Variants in CCM2 observed in about 807,000 individuals in gnomAD.
CCM2 encodes the protein cerebral cavernous malformations 2 protein.
Under a neutral mutation model 44.9 loss-of-function variants are expected in CCM2, and 25 were observed. The ratio of observed to expected loss-of-function variants is 0.56; its 90% confidence interval spans 0.41 to 0.78. CCM2 has a LOEUF of 0.78. Among genes scored for constraint, CCM2 ranks in the 30% least tolerant of loss-of-function variants. CCM2 has a pLI of 0.00. For synonymous variants in CCM2, 219 were observed against 241.1 expected (o/e 0.91, Z 0.85); for missense variants, 481 against 580.6 (o/e 0.83, Z 1.76).
intron 2 of CCM2, among the ~76,000 whole-genome samples, chr7:45,049,640 T>G (rs983982534): frequency 6.6e-6 from 1 of 152,254 alleles, no homozygotes; most frequent in African/African-American, 2.4e-5. Context: ...TCAACTGTTA[T>G]GTATGTTTTA....
At chr7:45,005,069 T>A (rs964178227) in intron 1 of CCM2, among the ~76,000 whole-genome samples, 1 of 152,080 alleles carries the variant, frequency 6.6e-6, no homozygotes, top group Non-Finnish European at 1.5e-5. Flanking sequence ...ATACTTGGGT[T>A]CAGAAGGTGA....
At position 45,076,058 on chromosome 7, in the gene CCM2, T is replaced by C; in HGVS notation, c.*1T>C. On this transcript the variant is annotated 3_prime_UTR_variant, in exon 10 of 10. Transcript: ENST00000258781. Reference sequence around the variant, plus strand: ...CAGCATGGACCAGGACTCAGCATGATGGACAGTGGATGGGGGGGCACCCAC... The same window carrying C: ...CAGCATGGACCAGGACTCAGCATGACGGACAGTGGATGGGGGGGCACCCAC... 6.2e-7 allele frequency: 1 copy of C among 1,612,890 alleles called. No homozygotes were observed. Among genetic ancestry groups the C allele is most frequent in the Non-Finnish European group, 8.5e-7 (1 of 1,180,006 alleles).
chr7:45,040,374 G>C (rs540624281), intron 2 of CCM2, among the ~76,000 whole-genome samples: 8 of 150,596 alleles, frequency 5.3e-5, no homozygotes, highest in African/African-American at 1.7e-4. Flanking sequence ...GCGAGACTCC[G>C]TCTCAAAAAA....
intron 1 of CCM2, chr7:45,027,236 C>A: frequency 3.5e-6 from 1 of 286,964 alleles, no homozygotes; most frequent in Admixed American, 4.8e-5. Context: ...ACTGGAACAG[C>A]CTTGTCGCGT....
At chr7:45,064,773 C>G in intron 4 of CCM2, 127 bp downstream of exon 4, 1 of 961,376 alleles carries the variant, frequency 1.0e-6, no homozygotes, top group Non-Finnish European at 1.6e-6. Context: ...CAATAATTGT[C>G]TTTCCTGTCT....
rs571503202 is a variant in CCM2, at chr7:45,052,914, T to C, written c.205-11004T>C. On this transcript the variant is annotated intron_variant, in intron 2 of 9. Transcript: ENST00000258781. ...GCTTCCAAATGGCCTTTTCTACTTA[T>C]AGCTCTTATTCTTTAGACAAAGGAC... Among the ~76,000 whole-genome samples, 14 of 152,358 alleles carry C rather than the reference T, an allele frequency of 9.2e-5. No individual in the cohort carries two copies. In the East Asian group the frequency reaches 2.5e-3, roughly 27 times the overall value.
chr7:45,045,107 C>CATT (rs1562888476), intron 2 of CCM2, among the ~76,000 whole-genome samples: 1 of 152,162 alleles, frequency 6.6e-6, no homozygotes, highest in African/African-American at 2.4e-5. Context: ...TTCTATCTGA[C>CATT]ATTAACTTAT....
At chr7:45,050,713 A>G (rs1180111942) in intron 2 of CCM2, among the ~76,000 whole-genome samples, 2 of 152,058 alleles carry the variant, frequency 1.3e-5, no homozygotes, top group Non-Finnish European at 2.9e-5. Context: ...TTCTTTTCTT[A>G]TATCTTTGCA....
intron 4 of CCM2, chr7:45,068,236 CT>C (rs1798879142): frequency 1.6e-6 from 1 of 639,334 alleles, no homozygotes; most frequent in South Asian, 1.8e-5. Context: ...CTCTGGTGCC[CT>C]TGGAGCTCAG....
At chr7:45,047,857 C>A (rs188137727) in intron 2 of CCM2, among the ~76,000 whole-genome samples, 3 of 152,242 alleles carry the variant, frequency 2.0e-5, no homozygotes, top group Non-Finnish European at 4.4e-5. Flanking sequence ...AGCGATGGAT[C>A]TCCCTGTATC....
At chr7:45,000,713 A>G (rs1795576460) in intron 1 of CCM2, among the ~76,000 whole-genome samples, 1 of 152,232 alleles carries the variant, frequency 6.6e-6, no homozygotes, top group African/African-American at 2.4e-5. Flanking sequence ...TGTGTGGTTA[A>G]CGTGGAGACG....
At chr7:45,051,810 C>T (rs918446856) in intron 2 of CCM2, among the ~76,000 whole-genome samples, 1 of 152,024 alleles carries the variant, frequency 6.6e-6, no homozygotes, top group African/African-American at 2.4e-5. Flanking sequence ...ATCCGCCCAC[C>T]TCGGCCCCCC....
At chr7:45,060,552 C>T (rs1798471420) in intron 2 of CCM2, among the ~76,000 whole-genome samples, 1 of 152,224 alleles carries the variant, frequency 6.6e-6, no homozygotes, top group South Asian at 2.1e-4. Context: ...TTTTCTTTCT[C>T]TTGATATCCT....
intron 1 of CCM2, 98 bp downstream of exon 1, chr7:45,000,461 G>GT (rs1242998063): frequency 7.0e-6 from 2 of 287,764 alleles, no homozygotes; most frequent in Non-Finnish European, 5.8e-6. Context: ...GCCCGGGGGG[G>GT]GGGGCAGTGG....
intron 1 of CCM2, among the ~76,000 whole-genome samples, chr7:45,001,333 A>G (rs1795618171): frequency 6.6e-6 from 1 of 152,234 alleles, no homozygotes; most frequent in African/African-American, 2.4e-5. Context: ...AGCACCATGC[A>G]TGTCTAATTT....
chr7:45,029,967 A>G (rs1796882437), intron 1 of CCM2, among the ~76,000 whole-genome samples: 1 of 152,224 alleles, frequency 6.6e-6, no homozygotes, highest in South Asian at 2.1e-4. Flanking sequence ...AAAGTTCTGT[A>G]TAGTTATCTG....
At chr7:45,002,920 T>G (rs1397325335) in intron 1 of CCM2, among the ~76,000 whole-genome samples, 1 of 152,118 alleles carries the variant, frequency 6.6e-6, no homozygotes, top group Non-Finnish European at 1.5e-5. Flanking sequence ...ACTAAAGGTG[T>G]GGGGCCTGGG....
At chr7:45,070,597 G>A (rs1017074624) in intron 6 of CCM2, 8 of 358,542 alleles carry the variant, frequency 2.2e-5, no homozygotes, top group Non-Finnish European at 4.0e-5. Flanking sequence ...AACATCATCT[G>A]TTTTTCAGAT....
intron 1 of CCM2, among the ~76,000 whole-genome samples, chr7:45,037,086 T>C (rs2128728290): frequency 6.6e-6 from 1 of 152,286 alleles, no homozygotes; most frequent in Admixed American, 6.5e-5. Context: ...CGGGTTTATG[T>C]TCCTTTGGGT....
Sources: allele counts gnomAD v4.1 joint callset (sites outside exome capture counted in the v4.1 genomes callset), GRCh38; gene constraint gnomAD v4.1.1; transcripts MANE v1.5; gene names NCBI Gene and HGNC (gene_info 2026-07-23, HGNC 2026-07-21).